Variants in ZNF333 observed in about 807,000 individuals in gnomAD.
The protein encoded by ZNF333 is zinc finger protein 333.
ZNF333 carries 61 observed loss-of-function variants against 76.1 expected under a neutral mutation model. The observed-to-expected ratio is 0.80, with a 90% CI of 0.65 to 0.99. The LOEUF (loss-of-function observed/expected upper bound fraction) is 0.99, where lower values mean the gene tolerates loss of function less well. Ranked by LOEUF, ZNF333 falls within the 50% of genes least tolerant of loss-of-function variation. The pLI, the probability that ZNF333 is intolerant of heterozygous loss-of-function variation, is 0.00. For synonymous variants in ZNF333, 284 were observed against 305.0 expected (o/e 0.93, Z 0.72); for missense variants, 717 against 822.4 (o/e 0.87, Z 1.57).
At chr19:14,714,172 G>T (rs1335205658) in intron 7 of ZNF333, among the ~76,000 whole-genome samples, 1 of 150,996 alleles carries the variant, frequency 6.6e-6, no homozygotes, top group African/African-American at 2.5e-5. Context: ...GAAAAGTGGG[G>T]TGTTATGGCT....
chr19:14,711,424 C>T (rs978815909), intron 7 of ZNF333, among the ~76,000 whole-genome samples: 4 of 152,118 alleles, frequency 2.6e-5, no homozygotes, highest in African/African-American at 9.7e-5. Context: ...GAGGCCAGCA[C>T]TTTGGGAGGC....
At chr19:14,696,685 C>T (rs945921376) in intron 4 of ZNF333, among the ~76,000 whole-genome samples, 1 of 150,918 alleles carries the variant, frequency 6.6e-6, no homozygotes, top group Non-Finnish European at 1.5e-5. Context: ...GATAACTAAC[C>T]CCCTTCTGAA....
At chr19:14,733,491 T>C (rs1599769889) in exon 12 of ZNF333, 1 of 152,138 alleles carries the variant, frequency 6.6e-6, no homozygotes, top group Non-Finnish European at 1.5e-5. Context: ...CCAGGTGCAC[T>C]AAAATAGGGA....
chr19:14,693,468 A>G lies in ZNF333; in HGVS notation c.-24A>G. 11 of 1,600,694 alleles carry G rather than the reference A, an allele frequency of 6.9e-6. No individual in the cohort carries two copies. The highest frequency in any genetic ancestry group is 2.2e-5 in the South Asian group (2 of 89,864). On this transcript the variant is annotated 5_prime_UTR_variant, in exon 2 of 12. Transcript: ENST00000292530. ...TATTGCAGGGAGAACACCGACTGAG[A>G]CCTCAAACCCTGGCTCCAGTGTCAT...
intron 11 of ZNF333, among the ~76,000 whole-genome samples, chr19:14,728,083 G>T (rs769637247): frequency 1.2e-4 from 19 of 152,160 alleles, no homozygotes; most frequent in Non-Finnish European, 2.2e-4. Context: ...TGTGGTGGTG[G>T]GCGCCTGTAG....
intron 1 of ZNF333, among the ~76,000 whole-genome samples, chr19:14,692,175 T>C (rs1972825157): frequency 2.0e-5 from 3 of 152,182 alleles, no homozygotes; most frequent in Admixed American, 2.0e-4. Flanking sequence ...CTAATAATAT[T>C]GGTAAATTAA....
intron 7 of ZNF333, among the ~76,000 whole-genome samples, chr19:14,711,265 G>A (rs575731494): frequency 2.0e-5 from 3 of 152,290 alleles, no homozygotes; most frequent in African/African-American, 7.2e-5. Context: ...TTACCAGTTA[G>A]GGGGGCGGGA....
chr19:14,713,451 G>T (rs1019923018), intron 7 of ZNF333, among the ~76,000 whole-genome samples: 1 of 152,118 alleles, frequency 6.6e-6, no homozygotes, highest in Admixed American at 6.6e-5. Flanking sequence ...AGATGTGAGA[G>T]TCAGCCTGGA....
chr19:14,703,757 T>A (rs902155014), intron 5 of ZNF333, among the ~76,000 whole-genome samples: 2 of 152,062 alleles, frequency 1.3e-5, no homozygotes, highest in African/African-American at 4.8e-5. Flanking sequence ...CTGTCCCTGG[T>A]TGATTTAGGG....
chr19:14,705,230 T>G, intron 6 of ZNF333, 60 bp downstream of exon 6: 2 of 1,476,336 alleles, frequency 1.4e-6, no homozygotes, highest in East Asian at 2.3e-5. Context: ...GCCTGGGGTG[T>G]GGGTTGTCTG....
intron 6 of ZNF333, 82 bp downstream of exon 6, chr19:14,705,252 AG>A: frequency 8.5e-7 from 1 of 1,175,678 alleles, no homozygotes; most frequent in East Asian, 2.5e-5. Context: ...AAATTGGGGG[AG>A]GGGAGGGAAA....
Position 14,718,963 on chromosome 19 carries a change from C to A in ZNF333, c.1636C>A (p.Leu546Ile). ...CATCGQVLSR[L>I]STLKSHMRTH... ...GACTTGCGGTCAGGTCTTGAGTCGTCTTTCAACCCTGAAGAGTCACATGCG... is the reference window on the plus strand; with the variant it reads ...GACTTGCGGTCAGGTCTTGAGTCGTATTTCAACCCTGAAGAGTCACATGCG... The change falls in exon 12 of 12, where the codon CTT becomes ATT. Residue 546 changes from leucine (L) to isoleucine (I), a missense_variant. Transcript: ENST00000292530. The A allele has an allele frequency of 4.3e-6, 7 of 1,614,000 alleles. No individual in the cohort carries two copies. Among genetic ancestry groups the A allele is most frequent in the Non-Finnish European group, 5.9e-6 (7 of 1,179,972 alleles).
Position 14,703,183 on chromosome 19 carries a change from C to T in ZNF333, c.307-1871C>T, listed in dbSNP as rs377271893. ...TCGCGCCACTGCACTCCAGCCTGGG[C>T]GACAGCAAGACTCCGTCTCAAAAAA... On this transcript the variant is annotated intron_variant, in intron 5 of 11. Transcript: ENST00000292530. 5.4e-4 allele frequency among the ~76,000 whole-genome samples: 75 copies of T among 137,774 alleles called. No homozygotes were observed. In the East Asian group the frequency reaches 8.0e-3, roughly 15 times the overall value. The allele number at this position is 137,774 out of a possible 152,430, so 90.4% of individuals were successfully genotyped here.
At chr19:14,706,353 C>A in intron 6 of ZNF333, 1 of 393,802 alleles carries the variant, frequency 2.5e-6, no homozygotes, top group East Asian at 6.3e-5. Context: ...AGGTCCACCT[C>A]CAAACTCCAT....
Position 14,720,900 on chromosome 19 carries a change from CAT to C in ZNF333, c.*1582_*1583del. Reference sequence around the variant, plus strand: ...GTTTTTAAATTTATGTATATACATACATATATATGTTTTGAAGCAATGAAATT... The same window carrying C: ...GTTTTTAAATTTATGTATATACATACATATATGTTTTGAAGCAATGAAATT... On this transcript the variant is annotated 3_prime_UTR_variant, in exon 12 of 12. Transcript: ENST00000292530. The C allele has an allele frequency of 2.3e-6, 2 of 868,084 alleles. No homozygotes were observed. The highest frequency in any genetic ancestry group is 2.8e-6 in the Non-Finnish European group (2 of 723,482). 53.8% of individuals were successfully genotyped at this position (868,084 alleles called of 1,614,324 possible). A position where few individuals can be genotyped will look rare whatever the true frequency, so the allele number is the denominator to read the frequency against.
At chr19:14,698,702 G>A (rs551429607) in intron 4 of ZNF333, among the ~76,000 whole-genome samples, 38 of 150,490 alleles carry the variant, frequency 2.5e-4, no homozygotes, top group Non-Finnish European at 3.8e-4. Flanking sequence ...TTAGCCAGAC[G>A]TGGTGGCGGG....
At chr19:14,712,467 G>A (rs1285207909) in intron 7 of ZNF333, among the ~76,000 whole-genome samples, 2 of 152,022 alleles carry the variant, frequency 1.3e-5, no homozygotes, top group Non-Finnish European at 2.9e-5. Context: ...TGATAATGCT[G>A]GCCTCTGCCT....
chr19:14,713,130 A>G (rs2042325424), intron 7 of ZNF333, among the ~76,000 whole-genome samples: 1 of 152,188 alleles, frequency 6.6e-6, no homozygotes, highest in African/African-American at 2.4e-5. Context: ...AGTGTGGTCC[A>G]TTGTGGGGCA....
downstream of ZNF333, among the ~76,000 whole-genome samples, chr19:14,724,745 A>G (rs550922979): frequency 2.2e-3 from 329 of 152,316 alleles, 1 homozygote; most frequent in African/African-American, 7.7e-3. Flanking sequence ...CAGCCTGGGC[A>G]ACAAGAGTGA....
Sources: gnomAD v4.1 joint callset for allele counts (sites outside exome capture counted in the v4.1 genomes callset) on GRCh38, gnomAD v4.1.1 for gene constraint, MANE v1.5 for transcripts, NCBI Gene and HGNC (gene_info 2026-07-23, HGNC 2026-07-21) for gene names.